Variants in MYO1E observed in about 807,000 individuals in gnomAD.
The protein encoded by MYO1E is unconventional myosin-Ie.
MYO1E carries 68 observed loss-of-function variants against 151.1 expected under a neutral mutation model. The observed-to-expected ratio is 0.45, with a 90% CI of 0.37 to 0.55. The LOEUF is 0.55. Among genes scored for constraint, MYO1E ranks in the 20% least tolerant of loss-of-function variants. The pLI is 0.00. For synonymous variants in MYO1E, 601 were observed against 501.7 expected (o/e 1.20, Z -2.64); for missense variants, 1,363 against 1,389.3 (o/e 0.98, Z 0.30).
rs2079377833 is a variant in MYO1E, at chr15:59,137,102, T to A, written c.*278A>T. ...AGGTCTGAGCAGACCTCACTTGTCC[T>A]CTCACCAGGTTTAAATACAATAAAT... On this transcript the variant is annotated 3_prime_UTR_variant, in exon 28 of 28. Coordinates refer to ENST00000288235, the MANE Select transcript of MYO1E (RefSeq NM_004998.4). The A allele has an allele frequency of 4.2e-6, 2 of 475,386 alleles. No homozygotes were observed. Among genetic ancestry groups the A allele is most frequent in the Non-Finnish European group, 7.8e-6 (2 of 257,532 alleles). The allele number at this position is 475,386 out of a possible 1,614,324, so 29.4% of individuals were successfully genotyped here.
chr15:59,369,816 T>C (rs1018385132), intron 1 of MYO1E, among the ~76,000 whole-genome samples: 1 of 152,138 alleles, frequency 6.6e-6, no homozygotes. Context: ...CACAACTGAA[T>C]GAGTCTTAGT....
intron 1 of MYO1E, among the ~76,000 whole-genome samples, chr15:59,305,509 T>C (rs765638005): frequency 6.6e-5 from 10 of 152,156 alleles, no homozygotes; most frequent in Non-Finnish European, 1.0e-4. Context: ...CCACAGTAAC[T>C]TAAATGAAAC....
intron 1 of MYO1E, among the ~76,000 whole-genome samples, chr15:59,342,057 G>A (rs111923622): frequency 1.5e-3 from 222 of 152,136 alleles, no homozygotes; most frequent in African/African-American, 5.2e-3. Flanking sequence ...CCGTCTTCTG[G>A]ATAAAAGCCA....
At chr15:59,225,709 C>CG (rs2079986317) in intron 7 of MYO1E, among the ~76,000 whole-genome samples, 2 of 148,264 alleles carry the variant, frequency 1.3e-5, no homozygotes, top group South Asian at 4.2e-4. Flanking sequence ...TGCACTGGTG[C>CG]GATCTCCGCT....
intron 17 of MYO1E, among the ~76,000 whole-genome samples, chr15:59,191,123 G>C (rs2079730322): frequency 6.6e-6 from 1 of 152,128 alleles, no homozygotes. Context: ...CAGAAATGTT[G>C]ATTCCTCTAA....
At chr15:59,167,309 T>C (rs1223013002) in intron 22 of MYO1E, among the ~76,000 whole-genome samples, 1 of 152,144 alleles carries the variant, frequency 6.6e-6, no homozygotes, top group Non-Finnish European at 1.5e-5. Flanking sequence ...TTTGGTCTCA[T>C]CCTTCTGGTG....
chr15:59,359,286 T>C (rs1480464722), intron 1 of MYO1E, among the ~76,000 whole-genome samples: 1 of 146,490 alleles, frequency 6.8e-6, no homozygotes, highest in Non-Finnish European at 1.5e-5. Flanking sequence ...CATACATATA[T>C]ATATATATGT....
intron 17 of MYO1E, among the ~76,000 whole-genome samples, chr15:59,191,787 C>T (rs2079736015): frequency 6.6e-6 from 1 of 152,194 alleles, no homozygotes; most frequent in Non-Finnish European, 1.5e-5. Flanking sequence ...CTGTCACCTC[C>T]TCAGTAGTCG....
In MYO1E at chr15:59,159,810, G is replaced by T. The variant is rs1274339615; in HGVS notation, c.2785+1263C>A. ...TTAATATGTTAGAGAACATGTTAAG[G>T]TGTACCTTTGCAGACAGATTTGAGA... On this transcript the variant is annotated intron_variant, in intron 24 of 27. Coordinates refer to ENST00000288235, the MANE Select transcript of MYO1E (RefSeq NM_004998.4). The surrounding 1 kb of genome is among the most constrained non-coding windows in gnomAD (Gnocchi z 4.4). Among the ~76,000 whole-genome samples, 1 of 152,146 alleles carries T rather than the reference G, an allele frequency of 6.6e-6. No individual in the cohort carries two copies. Among genetic ancestry groups the T allele is most frequent in the African/African-American group, 2.4e-5 (1 of 41,422 alleles).
chr15:59,250,225 T>A (rs928611511), intron 4 of MYO1E, among the ~76,000 whole-genome samples: 41 of 152,154 alleles, frequency 2.7e-4, no homozygotes, highest in African/African-American at 9.2e-4. Flanking sequence ...AGTCTGACGA[T>A]ATGATTTATG....
At chr15:59,349,994 G>T (rs1305577214) in intron 1 of MYO1E, among the ~76,000 whole-genome samples, 1 of 152,146 alleles carries the variant, frequency 6.6e-6, no homozygotes. Flanking sequence ...AGAAAGGAGG[G>T]GTGGCTAGAA....
At chr15:59,288,658 T>G (rs1276699100) in intron 1 of MYO1E, among the ~76,000 whole-genome samples, 1 of 152,230 alleles carries the variant, frequency 6.6e-6, no homozygotes, top group Non-Finnish European at 1.5e-5. Context: ...CTGGGTACTG[T>G]CATCTCATCT....
chr15:59,323,657 A>G (rs1167371501), intron 1 of MYO1E, among the ~76,000 whole-genome samples: 2 of 151,874 alleles, frequency 1.3e-5, no homozygotes, highest in Admixed American at 6.6e-5. Flanking sequence ...CTCCGCCTCA[A>G]AAAAGAAAAA....
At chr15:59,268,841 G>A (rs1401987522) in intron 2 of MYO1E, among the ~76,000 whole-genome samples, 1 of 148,856 alleles carries the variant, frequency 6.7e-6, no homozygotes, top group Non-Finnish European at 1.5e-5. Flanking sequence ...CATAGTCCCT[G>A]CTTCTGGTGT....
chr15:59,318,195 C>T (rs1263568393), intron 1 of MYO1E, among the ~76,000 whole-genome samples: 3 of 152,194 alleles, frequency 2.0e-5, no homozygotes, highest in Non-Finnish European at 4.4e-5. Context: ...CTCTGGTATA[C>T]CCAGGCCTCT....
At chr15:59,160,854 G>C (rs2079534211) in intron 24 of MYO1E, among the ~76,000 whole-genome samples, 2 of 152,034 alleles carry the variant, frequency 1.3e-5, no homozygotes, top group African/African-American at 4.8e-5. Flanking sequence ...CAGGTGTACT[G>C]ATACATAAGT....
At chr15:59,357,481 G>A (rs1175951325) in intron 1 of MYO1E, among the ~76,000 whole-genome samples, 1 of 148,186 alleles carries the variant, frequency 6.7e-6, no homozygotes, top group Non-Finnish European at 1.5e-5. Flanking sequence ...CTGGAGAGCA[G>A]TGGTGCAATC....
chr15:59,169,057 A>C (rs902801221), intron 22 of MYO1E, among the ~76,000 whole-genome samples: 2 of 152,236 alleles, frequency 1.3e-5, no homozygotes, highest in African/African-American at 4.8e-5. Context: ...AGTCATGCTC[A>C]CATGTTGTCT....
At chr15:59,156,554 T>G (rs988999342) in intron 25 of MYO1E, among the ~76,000 whole-genome samples, 2 of 152,140 alleles carry the variant, frequency 1.3e-5, no homozygotes, top group Admixed American at 6.5e-5. Flanking sequence ...GGCTCTAACT[T>G]CCGGTCTCAA....
Sources: allele counts gnomAD v4.1 joint callset (sites outside exome capture counted in the v4.1 genomes callset), GRCh38; gene constraint gnomAD v4.1.1; non-coding constraint Gnocchi (gnomAD v3.1); transcripts MANE v1.5; gene names NCBI Gene and HGNC (gene_info 2026-07-23, HGNC 2026-07-21).